The following PEX26 variants were observed in gnomAD, a reference collection of about 807,000 sequenced individuals.
The protein encoded by PEX26 is peroxisomal biogenesis factor 26.
In PEX26, 18 loss-of-function variants were observed where a neutral mutation model predicts 31.4. That is an observed-to-expected ratio of 0.57 (90% CI 0.40 to 0.85). PEX26 has a LOEUF of 0.85. PEX26 is among the 40% of genes least tolerant of loss of function. The pLI is 0.00. For missense variants in PEX26, 377 were observed against 383.9 expected (o/e 0.98, Z 0.15); for synonymous variants, 176 against 166.9 (o/e 1.05, Z -0.42).
Position 18,096,898 on chromosome 22 carries a change from G to A in PEX26, c.*8823G>A, listed in dbSNP as rs1927313443. On this transcript the variant is annotated 3_prime_UTR_variant, in exon 5 of 5. Transcript: ENST00000399744. ...GAGAAGTATCAGAGACTGGGTAATT[G>A]TTGAAGAAAAGAGGTTTAACTGACT... 1 of 152,212 alleles carries A rather than the reference G, an allele frequency of 6.6e-6. No individual in the cohort carries two copies. Among genetic ancestry groups the A allele is most frequent in the African/African-American group, 2.4e-5 (1 of 41,446 alleles). 9.4% of individuals were successfully genotyped at this position (152,212 alleles called of 1,614,324 possible). A position where few individuals can be genotyped will look rare whatever the true frequency, so the allele number is the denominator to read the frequency against.
Position 18,099,924 on chromosome 22 carries a change from A to G in PEX26, c.*11849A>G, listed in dbSNP as rs1455117724. The G allele has an allele frequency of 6.6e-6, 1 of 152,224 alleles. No homozygotes were observed. Among genetic ancestry groups the G allele is most frequent in the East Asian group, 1.9e-4 (1 of 5,200 alleles). 9.4% of individuals were successfully genotyped at this position (152,224 alleles called of 1,614,324 possible). On this transcript the variant is annotated 3_prime_UTR_variant, in exon 5 of 5. Transcript: ENST00000399744. ...GGATGATCTCATCTTGAGGTCCTCA[A>G]TTACATCAAGATCCTTATTCCAAAT...
Position 18,083,476 on chromosome 22 carries a change from G to T in PEX26, c.411G>T (p.Val137=). The T allele has an allele frequency of 6.2e-7, 1 of 1,614,160 alleles. No individual in the cohort carries two copies. The highest frequency in any genetic ancestry group is 8.5e-7 in the Non-Finnish European group (1 of 1,180,036). Residue 137 remains valine (V), a synonymous_variant, in exon 3 of 5, where the codon GTG becomes GTT. Coordinates refer to ENST00000399744, the MANE Select transcript of PEX26 (RefSeq NM_001127649.3). ...GCAAAATGCAAGAGCCTGGAGCTGT[G>T]CTGGATGTGGTGGGTGCCTGGCTCC... ...LYSKMQEPGA[V]LDVVGAWLQD... is the part of the protein sequence containing the mutation.
chr22:18,087,085 T>C (rs1420471288), intron 4 of PEX26, among the ~76,000 whole-genome samples: 1 of 151,952 alleles, frequency 6.6e-6, no homozygotes, highest in Non-Finnish European at 1.5e-5. Context: ...GCTAATTTTT[T>C]ATTTTTATTT....
rs925036949 is a variant in PEX26, at chr22:18,092,617, C to T, written c.*4542C>T. Reference sequence around the variant, plus strand: ...AATTACTATTAATACGGTTGATTTTCTTTCAGCTTTTTTCCCCCTAATTAA... The same window carrying T: ...AATTACTATTAATACGGTTGATTTTTTTTCAGCTTTTTTCCCCCTAATTAA... On this transcript the variant is annotated 3_prime_UTR_variant, in exon 5 of 5. Transcript: ENST00000399744. 1 of 151,810 alleles carries T rather than the reference C, an allele frequency of 6.6e-6. No individual in the cohort carries two copies. The highest frequency in any genetic ancestry group is 1.5e-5 in the Non-Finnish European group (1 of 67,976). 9.4% of individuals were successfully genotyped at this position (151,810 alleles called of 1,614,324 possible).
chr22:18,085,293 G>A, intron 4 of PEX26, 35 bp downstream of exon 4: 1 of 1,610,216 alleles, frequency 6.2e-7, no homozygotes. Context: ...TCCTTCCTGG[G>A]AAGGGGTTGT....
At chr22:18,081,547 T>C (rs1569187163) in intron 2 of PEX26, 3 of 156,522 alleles carry the variant, frequency 1.9e-5, no homozygotes, top group South Asian at 3.0e-4. Context: ...AACTTGATCT[T>C]GGAATTGTGG....
At chr22:18,078,928 C>T in intron 1 of PEX26, 1 of 488,670 alleles carries the variant, frequency 2.0e-6, no homozygotes, top group Non-Finnish European at 3.9e-6. Flanking sequence ...CTCCCAGGTA[C>T]CTCCGCCCTC....
chr22:18,079,551 T>C (rs1156758685), intron 1 of PEX26, among the ~76,000 whole-genome samples: 1 of 152,190 alleles, frequency 6.6e-6, no homozygotes, highest in East Asian at 1.9e-4. Context: ...TCCAGCTCTC[T>C]TTTCAGCCAC....
chr22:18,101,613 G>A lies in PEX26; in HGVS notation c.*13538G>A, dbSNP rs34667409. The stretch of plus-strand genomic sequence containing the variant: ...GTATGGACCCTTCCCTAATGCCCAG[G>A]ATCAAGAAAAGAATGTGGCCACCTT... On this transcript the variant is annotated 3_prime_UTR_variant, in exon 5 of 5. Transcript: ENST00000399744. The A allele has an allele frequency of 0.013, 2,447 of 194,322 alleles. 37 individuals are homozygous for A. The highest frequency in any genetic ancestry group is 0.073 in the South Asian group (566 of 7,772). 12.0% of individuals were successfully genotyped at this position (194,322 alleles called of 1,614,324 possible). A position where few individuals can be genotyped will look rare whatever the true frequency, so the allele number is the denominator to read the frequency against.
In PEX26 at chr22:18,097,236, C is replaced by G. The variant is rs1332184982; in HGVS notation, c.*9161C>G. 6 of 152,120 alleles carry G rather than the reference C, an allele frequency of 3.9e-5. No individual in the cohort carries two copies. The highest frequency in any genetic ancestry group is 1.4e-4 in the African/African-American group (6 of 41,380). The allele number at this position is 152,120 out of a possible 1,614,324, so 9.4% of individuals were successfully genotyped here. A position where few individuals can be genotyped will look rare whatever the true frequency, so the allele number is the denominator to read the frequency against. On this transcript the variant is annotated 3_prime_UTR_variant, in exon 5 of 5. Coordinates refer to ENST00000399744, the MANE Select transcript of PEX26 (RefSeq NM_001127649.3). ...TCTTCATTTAGCAAGTTCACCTACC[C>G]CAATGGCAGCTATGGCCGTTAGTTT... is the stretch of plus-strand genomic sequence containing the variant.
chr22:18,087,418 G>A (rs1926886043), intron 4 of PEX26, among the ~76,000 whole-genome samples: 2 of 152,114 alleles, frequency 1.3e-5, no homozygotes, highest in South Asian at 4.1e-4. Context: ...CTTCTAACCC[G>A]TCTGCTGAAT....
chr22:18,083,413 G>C (rs757999303), intron 2 of PEX26, 24 bp from the exon 3 acceptor site: 1 of 1,612,376 alleles, frequency 6.2e-7, no homozygotes, highest in South Asian at 1.1e-5. Flanking sequence ...CTTTTGTTGG[G>C]ATTGGGTTTT....
chr22:18,085,690 A>G (rs1169991802), intron 4 of PEX26, among the ~76,000 whole-genome samples: 1 of 151,750 alleles, frequency 6.6e-6, no homozygotes, highest in Non-Finnish European at 1.5e-5. Context: ...CCAACATGGT[A>G]AAGCCCCATC....
At position 18,090,974 on chromosome 22, in the gene PEX26, GTGTT is replaced by G. The variant is rs1882152228; in HGVS notation, c.*2903_*2906del. The G allele has an allele frequency of 6.6e-6, 1 of 152,198 alleles. No homozygotes were observed. The highest frequency in any genetic ancestry group is 6.5e-5 in the Admixed American group (1 of 15,274). The allele number at this position is 152,198 out of a possible 1,614,324, so 9.4% of individuals were successfully genotyped here. On this transcript the variant is annotated 3_prime_UTR_variant, in exon 5 of 5. Transcript: ENST00000399744. Reference sequence around the variant, plus strand: ...TCTGCGTGTATGTGTTTGCACATGAGTGTTTGTAGACCATAGACCATTAAAAAAT... The same window carrying G: ...TCTGCGTGTATGTGTTTGCACATGAGTGTAGACCATAGACCATTAAAAAAT...
Position 18,078,413 on chromosome 22 carries a change from AG to A in PEX26, c.42del (p.Leu15SerfsTer67). ...SDSSTSAAPLRGLGGPLRSSE... is the reference protein window; with the variant it reads ...SDSSTSAAPLXGLGGPLRSSE... ...TTCTTCGACCTCTGCAGCCCCCCTC[AG>A]GGGGCTCGGGGGACCCCTGCGCAGC... On this transcript the variant is annotated frameshift_variant, in exon 1 of 5. Transcript: ENST00000399744. LOFTEE classifies it high-confidence loss of function. The A allele has an allele frequency of 6.3e-7, 1 of 1,584,648 alleles. No homozygotes were observed.
chr22:18,105,056 C>T lies in PEX26; in HGVS notation c.*16981C>T, dbSNP rs1216618021. On this transcript the variant is annotated 3_prime_UTR_variant, in exon 5 of 5. Transcript: ENST00000399744. ...TTGCTCTCTGGACTTCATGGGCTCA[C>T]CCCAGCAATGGGGTGCCTGGAAATG... 6.6e-6 allele frequency: 1 copy of T among 152,208 alleles called. No homozygotes were observed. Among genetic ancestry groups the T allele is most frequent in the African/African-American group, 2.4e-5 (1 of 41,448 alleles). The allele number at this position is 152,208 out of a possible 1,614,324, so 9.4% of individuals were successfully genotyped here. A position where few individuals can be genotyped will look rare whatever the true frequency, so the allele number is the denominator to read the frequency against.
intron 4 of PEX26, 127 bp from the exon 5 acceptor site, chr22:18,087,843 CCT>C: frequency 1.3e-6 from 1 of 767,772 alleles, no homozygotes; most frequent in South Asian, 1.4e-5. Flanking sequence ...AGAGCGAGAC[CCT>C]GTCTCTAAAA....
chr22:18,097,070 C>T lies in PEX26; in HGVS notation c.*8995C>T, dbSNP rs1366036808. 6.6e-6 allele frequency: 1 copy of T among 152,232 alleles called. No homozygotes were observed. The highest frequency in any genetic ancestry group is 1.9e-4 in the East Asian group (1 of 5,164). 9.4% of individuals were successfully genotyped at this position (152,232 alleles called of 1,614,324 possible). On this transcript the variant is annotated 3_prime_UTR_variant, in exon 5 of 5. Coordinates refer to ENST00000399744, the MANE Select transcript of PEX26 (RefSeq NM_001127649.3). ...AACCATCAGAACTCGTGAGAACTGA[C>T]TCACTATCACAAGAACAACAGGGGA...
At chr22:18,084,921 C>T (rs1206874588) in intron 3 of PEX26, among the ~76,000 whole-genome samples, 191 bp from the exon 4 acceptor site, 1 of 151,964 alleles carries the variant, frequency 6.6e-6, no homozygotes, top group Non-Finnish European at 1.5e-5. Context: ...CGGGGTTTCA[C>T]CATGTTAGCC....
Sources: gnomAD v4.1 joint callset for allele counts (sites outside exome capture counted in the v4.1 genomes callset) on GRCh38, gnomAD v4.1.1 for gene constraint, MANE v1.5 for transcripts, NCBI Gene and HGNC (gene_info 2026-07-23, HGNC 2026-07-21) for gene names.